Variants in NR6A1 observed in about 807,000 individuals in gnomAD.
The protein encoded by NR6A1 is nuclear receptor subfamily 6 group A member 1.
NR6A1 carries 7 observed loss-of-function variants against 59.1 expected under a neutral mutation model. The observed-to-expected ratio is 0.12, with a 90% CI of 0.07 to 0.22. NR6A1 has a LOEUF of 0.22. Among genes scored for constraint, NR6A1 ranks in the 10% least tolerant of loss-of-function variants. The pLI is 1.00. For synonymous variants in NR6A1, 243 were observed against 236.1 expected (o/e 1.03, Z -0.27); for missense variants, 468 against 611.6 (o/e 0.77, Z 2.48).
chr9:124,718,941 A>C (rs1053018176), intron 2 of NR6A1, among the ~76,000 whole-genome samples: 1 of 149,770 alleles, frequency 6.7e-6, no homozygotes, highest in African/African-American at 2.5e-5. Flanking sequence ...CAGCATCCCC[A>C]GTAGCTGGGA....
chr9:124,630,289 C>T (rs1836391182), intron 2 of NR6A1, among the ~76,000 whole-genome samples: 1 of 142,136 alleles, frequency 7.0e-6, no homozygotes, highest in African/African-American at 2.6e-5. Flanking sequence ...GATCTTGGCT[C>T]ACTGCAACCT....
At chr9:124,550,842 T>A (rs1833759705) in intron 3 of NR6A1, among the ~76,000 whole-genome samples, 1 of 152,184 alleles carries the variant, frequency 6.6e-6, no homozygotes, top group Non-Finnish European at 1.5e-5. Flanking sequence ...GGCCTCCTTC[T>A]ACATTTGTTA....
At chr9:124,705,686 T>C (rs972302876) in intron 2 of NR6A1, among the ~76,000 whole-genome samples, 1 of 152,200 alleles carries the variant, frequency 6.6e-6, no homozygotes, top group African/African-American at 2.4e-5. Context: ...CTGGACTTTA[T>C]GCTATTTTGC....
At chr9:124,620,628 A>G (rs546847549) in intron 2 of NR6A1, among the ~76,000 whole-genome samples, 10 of 152,338 alleles carry the variant, frequency 6.6e-5, no homozygotes, top group Admixed American at 6.5e-4. Context: ...AGACAAATCT[A>G]TAGAGACAGT....
At chr9:124,735,907 T>G (rs1252262197) in intron 1 of NR6A1, among the ~76,000 whole-genome samples, 1 of 152,064 alleles carries the variant, frequency 6.6e-6, no homozygotes, top group East Asian at 1.9e-4. Flanking sequence ...AACAATCACC[T>G]CCCAAAAGGC....
At chr9:124,557,772 T>C (rs566861401) in intron 2 of NR6A1, among the ~76,000 whole-genome samples, 2 of 152,350 alleles carry the variant, frequency 1.3e-5, no homozygotes, top group African/African-American at 4.8e-5. Flanking sequence ...GAAACCATGA[T>C]TGGCTATGGA....
At chr9:124,756,085 C>A (rs1474565701) in intron 1 of NR6A1, among the ~76,000 whole-genome samples, 1 of 152,100 alleles carries the variant, frequency 6.6e-6, no homozygotes, top group Admixed American at 6.5e-5. Flanking sequence ...TTTAGTAGTA[C>A]CTCTTATTAA....
intron 2 of NR6A1, among the ~76,000 whole-genome samples, chr9:124,565,924 G>C (rs756939075): frequency 6.6e-6 from 1 of 152,196 alleles, no homozygotes; most frequent in African/African-American, 2.4e-5. Flanking sequence ...TAAAGTGGAA[G>C]AGACATCTAT....
intron 2 of NR6A1, among the ~76,000 whole-genome samples, chr9:124,616,994 A>C (rs1835912944): frequency 6.6e-6 from 1 of 152,208 alleles, no homozygotes; most frequent in Non-Finnish European, 1.5e-5. Context: ...AGAAATACAC[A>C]TGTTCACAAA....
chr9:124,564,595 G>A (rs575434242), intron 2 of NR6A1, among the ~76,000 whole-genome samples: 1 of 152,232 alleles, frequency 6.6e-6, no homozygotes, highest in African/African-American at 2.4e-5. Flanking sequence ...TTAAGTAAAT[G>A]GAGGGATATA....
At chr9:124,530,174 C>T (rs1199203287) in intron 7 of NR6A1, among the ~76,000 whole-genome samples, 1 of 152,180 alleles carries the variant, frequency 6.6e-6, no homozygotes, top group Non-Finnish European at 1.5e-5. Context: ...AGTGCCTGGC[C>T]TGTCCATACA....
intron 1 of NR6A1, among the ~76,000 whole-genome samples, chr9:124,747,256 T>G (rs1384645157): frequency 6.6e-6 from 1 of 150,750 alleles, no homozygotes; most frequent in African/African-American, 2.4e-5. Flanking sequence ...ATGGCATAAT[T>G]ATGGCTCACT....
chr9:124,676,346 T>C (rs1418960057), intron 2 of NR6A1, among the ~76,000 whole-genome samples: 1 of 152,152 alleles, frequency 6.6e-6, no homozygotes, highest in Admixed American at 6.5e-5. Flanking sequence ...CACTATGTAC[T>C]CTCAGATTCT....
chr9:124,701,964 ATC>A (rs1208800154), intron 2 of NR6A1, among the ~76,000 whole-genome samples: 1 of 152,178 alleles, frequency 6.6e-6, no homozygotes, highest in Non-Finnish European at 1.5e-5. Flanking sequence ...GCCTCAAGTA[ATC>A]CACCCATCTC....
At chr9:124,615,898 A>T (rs1250355815) in intron 2 of NR6A1, among the ~76,000 whole-genome samples, 1 of 151,932 alleles carries the variant, frequency 6.6e-6, no homozygotes, top group African/African-American at 2.4e-5. Context: ...GCAGTGGCAC[A>T]ATCTCCGCTC....
intron 2 of NR6A1, among the ~76,000 whole-genome samples, chr9:124,700,395 T>A (rs964827300): frequency 6.6e-6 from 1 of 151,822 alleles, no homozygotes; most frequent in Admixed American, 6.6e-5. Flanking sequence ...TAATTTTTAT[T>A]TTTTTAGTAA....
intron 2 of NR6A1, among the ~76,000 whole-genome samples, chr9:124,683,268 A>G (rs1271654449): frequency 3.3e-5 from 5 of 149,964 alleles, no homozygotes; most frequent in African/African-American, 1.0e-4. Flanking sequence ...AAGGAAAAGG[A>G]AAAGACAAGA....
rs1834233768 is a variant in NR6A1 at position 124,566,170 on chromosome 9, AAG to A, written c.143-11602_143-11601del. Among the ~76,000 whole-genome samples, 7 of 152,256 alleles carry A rather than the reference AAG, an allele frequency of 4.6e-5. No individual in the cohort carries two copies. The South Asian group carries it at 1.4e-3, about 32-fold the overall frequency. ...GATGACTTGTACAAACAATGGGCGA[AAG>A]AAGTGCGAAAGCAAAGAATAAATAC... On this transcript the variant is annotated intron_variant, in intron 2 of 9. Coordinates refer to ENST00000487099, the MANE Select transcript of NR6A1 (RefSeq NM_033334.4).
At chr9:124,727,334 C>T (rs1485291920) in intron 2 of NR6A1, among the ~76,000 whole-genome samples, 1 of 152,146 alleles carries the variant, frequency 6.6e-6, no homozygotes, top group African/African-American at 2.4e-5. Context: ...TGTTTTTTTG[C>T]CATGTGATGA....
Sources: allele counts gnomAD v4.1 joint callset (sites outside exome capture counted in the v4.1 genomes callset), GRCh38; gene constraint gnomAD v4.1.1; transcripts MANE v1.5; gene names NCBI Gene and HGNC (gene_info 2026-07-23, HGNC 2026-07-21).